The following ASB18 variants were observed in gnomAD, a reference collection of about 807,000 sequenced individuals.
The protein encoded by ASB18 is ankyrin repeat and SOCS box containing 18.
A neutral mutation model predicts 33.4 loss-of-function variants in ASB18; 33 were observed. The ratio of observed to expected loss-of-function variants is 0.99; its 90% CI spans 0.75 to 1.32. ASB18 has a LOEUF of 1.32. Ranked by LOEUF, ASB18 falls within the 40% of genes most tolerant of loss-of-function variation. ASB18 has a pLI of 0.00. For missense variants in ASB18, 694 were observed against 655.5 expected (o/e 1.06, Z -0.64); for synonymous variants, 295 against 307.6 (o/e 0.96, Z 0.43).
rs1352742273 is a variant in ASB18, at chr2:236,205,127, T to C, written c.1102-8742A>G. Among the ~76,000 whole-genome samples, 1 of 152,228 alleles carries C rather than the reference T, an allele frequency of 6.6e-6. No individual in the cohort carries two copies. The highest frequency in any genetic ancestry group is 1.5e-5 in the Non-Finnish European group (1 of 68,048). On this transcript the variant is annotated intron_variant, in intron 4 of 5. Coordinates refer to ENST00000409749, the MANE Select transcript of ASB18 (RefSeq NM_212556.4). The surrounding 1 kb of genome is among the most constrained non-coding windows in gnomAD (Gnocchi z 5.4). ...AACATGGCAGATGTTAAGAGGAGGA[T>C]CTTTACAAAATATTGTTGGATTGCG...
chr2:236,243,901 A>G (rs2060633237), intron 1 of ASB18, among the ~76,000 whole-genome samples: 1 of 151,988 alleles, frequency 6.6e-6, no homozygotes, highest in Non-Finnish European at 1.5e-5. Flanking sequence ...ATCTCTGCTC[A>G]CTGCAACCTC....
In ASB18 at chr2:236,214,397, C is replaced by T; in HGVS notation, c.1066G>A (p.Gly356Ser). ...GCGTCGGGCCACACGGTGGGAGAGC[C>T]GTGGTTGAGCAGCGCCTGCACCGTG... The part of the protein sequence containing the change: ...QRTVQALLNH[G>S]SPTVWPDAFP... Residue 356 changes from glycine (G) to serine (S), a missense_variant, in exon 4 of 6, where the codon GGC (glycine) becomes AGC (serine). Gly to Ser is a moderately conservative substitution (Grantham distance 56). Coordinates refer to ENST00000409749, the MANE Select transcript of ASB18 (RefSeq NM_212556.4). This position sits in a 1 kb window ranked among gnomAD's most constrained non-coding sequence, Gnocchi z 6.5. The T allele has an allele frequency of 1.9e-6, 3 of 1,575,786 alleles. No homozygotes were observed. Among genetic ancestry groups the T allele is most frequent in the Non-Finnish European group, 2.6e-6 (3 of 1,166,382 alleles).
At chr2:236,210,122 C>T (rs72620812) in intron 4 of ASB18, among the ~76,000 whole-genome samples, 26,258 of 152,230 alleles carry the variant, frequency 0.17, 2,286 homozygotes, top group South Asian at 0.25. Context: ...GTCTGATCCA[C>T]GTGACAGGCA....
Position 236,262,699 on chromosome 2 carries a change from C to G in ASB18, c.205+1442G>C, listed in dbSNP as rs6722021. Among the ~76,000 whole-genome samples the G allele has an allele frequency of 2.6e-5, 4 of 152,028 alleles. No individual in the cohort carries two copies. The highest frequency in any genetic ancestry group is 6.5e-5 in the Admixed American group (1 of 15,278). ...CTTGTGATGACAACCTCCCCTAAAC[C>G]CCCCCCAGGGCAATCTTCTAGAGAG... On this transcript the variant is annotated intron_variant, in intron 1 of 5. Coordinates refer to ENST00000409749, the MANE Select transcript of ASB18 (RefSeq NM_212556.4). This position sits in a 1 kb window ranked among gnomAD's most constrained non-coding sequence, Gnocchi z 5.2.
chr2:236,264,013 G>A lies in ASB18; in HGVS notation c.205+128C>T. 2.7e-6 allele frequency: 2 copies of A among 739,506 alleles called. No homozygotes were observed. Among genetic ancestry groups the A allele is most frequent in the East Asian group, 2.7e-5 (1 of 37,290 alleles). 45.8% of individuals were successfully genotyped at this position (739,506 alleles called of 1,614,324 possible). ...TACACATATATGCATGTATGTATGA[G>A]AGTCAGATATCCGAGTACATATCAT... is the stretch of plus-strand genomic sequence containing the variant. On this transcript the variant is annotated intron_variant, in intron 1 of 5. Coordinates refer to ENST00000409749, the MANE Select transcript of ASB18 (RefSeq NM_212556.4). This position sits in a 1 kb window ranked among gnomAD's most constrained non-coding sequence, Gnocchi z 5.1.
intron 4 of ASB18, among the ~76,000 whole-genome samples, chr2:236,202,200 C>T (rs545919169): frequency 6.6e-6 from 1 of 152,208 alleles, no homozygotes; most frequent in South Asian, 2.1e-4. Flanking sequence ...ATCCACCCTC[C>T]TCGGCCTCCC....
In ASB18 at chr2:236,234,688, A is replaced by G. The variant is rs961987107; in HGVS notation, c.596+3001T>C. On this transcript the variant is annotated intron_variant, in intron 3 of 5. Coordinates refer to ENST00000409749, the MANE Select transcript of ASB18 (RefSeq NM_212556.4). This position sits in a 1 kb window ranked among gnomAD's most constrained non-coding sequence, Gnocchi z 4.1. ...GAGAAAGGAAGGGTTTAGATTCACAAATACTTATTTTCTACTAACAGTGCT... is the reference window on the plus strand; with the variant it reads ...GAGAAAGGAAGGGTTTAGATTCACAGATACTTATTTTCTACTAACAGTGCT... Among the ~76,000 whole-genome samples, 1 of 152,186 alleles carries G rather than the reference A, an allele frequency of 6.6e-6. No individual in the cohort carries two copies. The highest frequency in any genetic ancestry group is 2.4e-5 in the African/African-American group (1 of 41,436).
rs959141402 is a variant in ASB18, at chr2:236,256,507, A to C, written c.205+7634T>G. Among the ~76,000 whole-genome samples, 2 of 152,202 alleles carry C rather than the reference A, an allele frequency of 1.3e-5. No homozygotes were observed. The highest frequency in any genetic ancestry group is 2.9e-5 in the Non-Finnish European group (2 of 68,036). On this transcript the variant is annotated intron_variant, in intron 1 of 5. Coordinates refer to ENST00000409749, the MANE Select transcript of ASB18 (RefSeq NM_212556.4). This position sits in a 1 kb window ranked among gnomAD's most constrained non-coding sequence, Gnocchi z 4.7. Reference sequence around the variant, plus strand: ...TCCAATTAGTTCCTTCGGAATGTTTACTTCTCAAGCAGAGCACTTGTGGCA... The same window carrying C: ...TCCAATTAGTTCCTTCGGAATGTTTCCTTCTCAAGCAGAGCACTTGTGGCA...
Position 236,214,815 on chromosome 2 carries a change from G to A in ASB18, c.648C>T (p.Gly216=). The A allele has an allele frequency of 8.2e-7, 1 of 1,213,506 alleles. No homozygotes were observed. Among genetic ancestry groups the A allele is most frequent in the South Asian group, 3.7e-5 (1 of 26,992 alleles). The allele number at this position is 1,213,506 out of a possible 1,614,324, so 75.2% of individuals were successfully genotyped here. A position where few individuals can be genotyped will look rare whatever the true frequency, so the allele number is the denominator to read the frequency against. Residue 216 remains glycine, a synonymous_variant, in exon 4 of 6, where the codon GGC becomes GGT. Transcript: ENST00000409749. This position sits in a 1 kb window ranked among gnomAD's most constrained non-coding sequence, Gnocchi z 6.5. Reference sequence around the variant, plus strand: ...CGTGCAGCGGCGTGTCCCGGCCCGTGCCGCCCACGCGCTGCACCGAGGCCC... The same window carrying A: ...CGTGCAGCGGCGTGTCCCGGCCCGTACCGCCCACGCGCTGCACCGAGGCCC... The part of the protein sequence containing the change: ...EHGASVQRVG[G]TGRDTPLHVA...
At chr2:236,202,062 G>A (rs1040801118) in intron 4 of ASB18, among the ~76,000 whole-genome samples, 1 of 151,780 alleles carries the variant, frequency 6.6e-6, no homozygotes, top group African/African-American at 2.4e-5. Flanking sequence ...CAATTCTCCC[G>A]CCTCAGCCTC....
intron 2 of ASB18, among the ~76,000 whole-genome samples, chr2:236,240,281 G>A (rs1289321213): frequency 1.3e-5 from 2 of 152,176 alleles, no homozygotes; most frequent in African/African-American, 4.8e-5. Context: ...AGCCCCCACC[G>A]CCTCACTGGT....
rs2060660419 is a variant in ASB18, at chr2:236,249,613, G to T, written c.206-8211C>A. The T allele has an allele frequency of 6.6e-6, 1 of 152,150 alleles. No homozygotes were observed. Among genetic ancestry groups the T allele is most frequent in the South Asian group, 2.1e-4 (1 of 4,826 alleles). The allele number at this position is 152,150 out of a possible 1,614,324, so 9.4% of individuals were successfully genotyped here. ...CTTCTTGAAAGAGAGGGATTCTGAT[G>T]AATATAATTTTCTCCAAGCCAGTAC... On this transcript the variant is annotated intron_variant, in intron 1 of 5. Coordinates refer to ENST00000409749, the MANE Select transcript of ASB18 (RefSeq NM_212556.4). This position sits in a 1 kb window ranked among gnomAD's most constrained non-coding sequence, Gnocchi z 4.6.
rs775178433 is a variant in ASB18, at chr2:236,213,952, A to G, written c.1101+410T>C. 8.3e-5 allele frequency: 15 copies of G among 181,290 alleles called. No individual in the cohort carries two copies. The highest frequency in any genetic ancestry group is 1.6e-4 in the Non-Finnish European group (14 of 87,098). The allele number at this position is 181,290 out of a possible 1,614,324, so 11.2% of individuals were successfully genotyped here. On this transcript the variant is annotated intron_variant, in intron 4 of 5. Transcript: ENST00000409749. This position sits in a 1 kb window ranked among gnomAD's most constrained non-coding sequence, Gnocchi z 4.8. ...AAATGCCAGATGTGGCAAAAGACTG[A>G]TTTTCATCGTTCTGAAAATGACACT... is the stretch of plus-strand genomic sequence containing the variant.
Position 236,205,419 on chromosome 2 carries a change from CT to C in ASB18, c.1101+8942del, listed in dbSNP as rs1224302060. 6.6e-6 allele frequency among the ~76,000 whole-genome samples: 1 copy of C among 152,230 alleles called. No individual in the cohort carries two copies. The highest frequency in any genetic ancestry group is 1.5e-5 in the Non-Finnish European group (1 of 68,046). On this transcript the variant is annotated intron_variant, in intron 4 of 5. Coordinates refer to ENST00000409749, the MANE Select transcript of ASB18 (RefSeq NM_212556.4). The surrounding 1 kb of genome is among the most constrained non-coding windows in gnomAD (Gnocchi z 5.4). ...AGTGGGTCCCTCACATCTCTCAAGT[CT>C]TTGTTCAGCAGTCACTGACCCTAAC...
In ASB18 at chr2:236,264,349, T is replaced by C; in HGVS notation, c.-4A>G. ...GAAGGTAATCCGAGTTGGACATTGT[T>C]ACGTCGTTTCTGCAGTGACCAGCCC... On this transcript the variant is annotated 5_prime_UTR_variant, in exon 1 of 6. Transcript: ENST00000409749. This position sits in a 1 kb window ranked among gnomAD's most constrained non-coding sequence, Gnocchi z 5.1. 6.2e-7 allele frequency: 1 copy of C among 1,613,804 alleles called. No homozygotes were observed. Among genetic ancestry groups the C allele is most frequent in the Non-Finnish European group, 8.5e-7 (1 of 1,179,690 alleles).
Position 236,237,843 on chromosome 2 carries a change from C to G in ASB18, c.442G>C (p.Ala148Pro), listed in dbSNP as rs951098317. The G allele has an allele frequency of 1.4e-5, 20 of 1,401,342 alleles. No individual in the cohort carries two copies. The highest frequency in any genetic ancestry group is 4.6e-5 in the African/African-American group (3 of 65,574). 86.8% of individuals were successfully genotyped at this position (1,401,342 alleles called of 1,614,324 possible). The part of the protein sequence containing the change: ...HLLGRGADPD[A>P]SPGGRGALHE... ...AGGGCGCCGCGGCCGCCGGGGCTGGCGTCTGGGTCTGCGCCGCGGCCGAGC... is the reference window on the plus strand; with the variant it reads ...AGGGCGCCGCGGCCGCCGGGGCTGGGGTCTGGGTCTGCGCCGCGGCCGAGC... Residue 148 changes from alanine (A) to proline (P), a missense_variant, in exon 3 of 6, where the codon GCC becomes CCC. By Grantham distance (27) the Ala-to-Pro change is conservative. Transcript: ENST00000409749. This position sits in a 1 kb window ranked among gnomAD's most constrained non-coding sequence, Gnocchi z 6.2.
chr2:236,224,733 TCAGAGGAAATAAG>T (rs1347753215), intron 3 of ASB18, among the ~76,000 whole-genome samples: 1 of 152,168 alleles, frequency 6.6e-6, no homozygotes, highest in Non-Finnish European at 1.5e-5. Flanking sequence ...CCTGAGAGGC[TCAGAGGAAATAAG>T]ACATTTGCAC....
intron 3 of ASB18, among the ~76,000 whole-genome samples, chr2:236,224,681 T>C (rs1005640676): frequency 5.3e-5 from 8 of 152,242 alleles, no homozygotes; most frequent in African/African-American, 1.9e-4. Flanking sequence ...ACGGACTCTC[T>C]CTGAGCCTTG....
chr2:236,229,278 TG>T lies in ASB18; in HGVS notation c.596+8410del, dbSNP rs1193584799. Among the ~76,000 whole-genome samples the T allele has an allele frequency of 6.6e-6, 1 of 152,078 alleles. No individual in the cohort carries two copies. The highest frequency in any genetic ancestry group is 1.5e-5 in the Non-Finnish European group (1 of 68,016). On this transcript the variant is annotated intron_variant, in intron 3 of 5. Transcript: ENST00000409749. The surrounding 1 kb of genome is among the most constrained non-coding windows in gnomAD (Gnocchi z 5.2). ...TACAATGTTGGAGATAAAAATATAG[TG>T]GATAAGGTTCATGGCAGATCAGGTA...
Sources: allele counts gnomAD v4.1 joint callset (sites outside exome capture counted in the v4.1 genomes callset), GRCh38; gene constraint gnomAD v4.1.1; non-coding constraint Gnocchi (gnomAD v3.1); transcripts MANE v1.5; gene names NCBI Gene and HGNC (gene_info 2026-07-23, HGNC 2026-07-21).